The following SARDH variants were observed in gnomAD, a reference collection of about 807,000 sequenced individuals.
The protein encoded by SARDH is sarcosine dehydrogenase, mitochondrial.
In SARDH, 95 loss-of-function variants were observed where a neutral mutation model predicts 109.1. The observed-to-expected ratio is 0.87, with a 90% CI of 0.74 to 1.03. The LOEUF is 1.03. Among genes scored for constraint, SARDH ranks in the 50% least tolerant of loss-of-function variants. The pLI is 0.00. For missense variants in SARDH, 1,267 were observed against 1,287.8 expected (o/e 0.98, Z 0.25); for synonymous variants, 572 against 534.8 (o/e 1.07, Z -0.96).
intron 6 of SARDH, among the ~76,000 whole-genome samples, chr9:133,726,311 T>C (rs908600051): frequency 6.7e-6 from 1 of 149,184 alleles, no homozygotes; most frequent in Non-Finnish European, 1.5e-5. Context: ...AAGGCTGCAG[T>C]GAGCTATGAT....
rs368425650 is a variant in SARDH, at chr9:133,685,310, C to T, written c.2070-24G>A. On this transcript the variant is annotated intron_variant, in intron 16 of 20. Coordinates refer to ENST00000439388, the MANE Select transcript of SARDH (RefSeq NM_001134707.2). ...GGCTGCAGGCAAGAGCAAAGTCGCT[C>T]AGTCAGCAAGTGCTCACGGGTGGGG... is the stretch of plus-strand genomic sequence containing the variant. 4 of 1,607,156 alleles carry T rather than the reference C, an allele frequency of 2.5e-6. No homozygotes were observed. The African/African-American group carries it at 4.0e-5, about 16-fold the overall frequency.
rs766491921 is a variant in SARDH, at chr9:133,731,410, A to T, written c.585T>A (p.Asn195Lys). 6.2e-7 allele frequency: 1 copy of T among 1,614,134 alleles called. No individual in the cohort carries two copies. The change falls in exon 4 of 21, where the codon AAT (asparagine) becomes AAA (lysine). Residue 195 changes from asparagine to lysine, a missense_variant. Asn to Lys is a moderately conservative substitution (Grantham distance 94, BLOSUM62 0). Transcript: ENST00000439388. Reference protein sequence around the residue: ...AETKTLYPLMNVDDLYGTLYV... With the variant: ...AETKTLYPLMKVDDLYGTLYV... ...ACAGGGTCCCGTAGAGGTCGTCCAC[A>T]TTCATCAGCGGGTACAGAGTCTTGG... is the stretch of plus-strand genomic sequence containing the variant.
At position 133,694,251 on chromosome 9, in the gene SARDH, C is replaced by T. The variant is rs558647788; in HGVS notation, c.1921+7G>A. 2.4e-5 allele frequency: 37 copies of T among 1,541,522 alleles called. No individual in the cohort carries two copies. The African/African-American group carries it at 4.8e-4, about 20-fold the overall frequency. On this transcript the variant is annotated splice_region_variant and intron_variant, in intron 15 of 20. Coordinates refer to ENST00000439388, the MANE Select transcript of SARDH (RefSeq NM_001134707.2). The stretch of plus-strand genomic sequence containing the variant: ...CACAGCGCCGTGTGCACAGAGGCAT[C>T]CCATACCTTCAAAGGCGGGGGCCAG...
intron 17 of SARDH, among the ~76,000 whole-genome samples, chr9:133,680,053 G>C (rs1356914083): frequency 6.6e-6 from 1 of 152,232 alleles, no homozygotes; most frequent in Non-Finnish European, 1.5e-5. Flanking sequence ...CACGTTGAGG[G>C]ATATGTCATC....
chr9:133,684,982 C>T (rs1326568367), intron 17 of SARDH, among the ~76,000 whole-genome samples: 6 of 152,190 alleles, frequency 3.9e-5, no homozygotes, highest in Non-Finnish European at 5.9e-5. Context: ...GGATGGAAGA[C>T]GCTGTGACTT....
chr9:133,681,887 T>C (rs778815770), intron 17 of SARDH, among the ~76,000 whole-genome samples: 2 of 152,132 alleles, frequency 1.3e-5, no homozygotes, highest in Non-Finnish European at 2.9e-5. Flanking sequence ...TTGACGCTCA[T>C]GTCCCACCTC....
At chr9:133,684,742 G>A (rs1219015858) in intron 17 of SARDH, among the ~76,000 whole-genome samples, 1 of 152,188 alleles carries the variant, frequency 6.6e-6, no homozygotes, top group Non-Finnish European at 1.5e-5. Context: ...CACCCCAGCA[G>A]CCCCTCCTCC....
chr9:133,714,558 G>A (rs1225815525), intron 8 of SARDH, among the ~76,000 whole-genome samples: 1 of 152,174 alleles, frequency 6.6e-6, no homozygotes, highest in Non-Finnish European at 1.5e-5. Flanking sequence ...GCAGGCGGAT[G>A]TCTGGAGCCC....
rs552148848 is a variant in SARDH, at chr9:133,734,229, G to A, written c.-30-26C>T. 3 of 1,428,730 alleles carry A rather than the reference G, an allele frequency of 2.1e-6. No homozygotes were observed. In the African/African-American group the frequency reaches 4.3e-5, roughly 20 times the overall value. 88.5% of individuals were successfully genotyped at this position (1,428,730 alleles called of 1,614,324 possible). ...CTGGGGAGAGAATCAGAGCTGGGTG[G>A]GGTGCAGAGGGGACACGCTGGGGGC... On this transcript the variant is annotated intron_variant, in intron 1 of 20. Transcript: ENST00000439388.
chr9:133,708,208 G>T, intron 11 of SARDH, 79 bp downstream of exon 11: 1 of 1,503,350 alleles, frequency 6.7e-7, no homozygotes. Flanking sequence ...GGTACACCTT[G>T]CATTTCTGTC....
At chr9:133,736,147 C>T (rs534164796) in intron 1 of SARDH, among the ~76,000 whole-genome samples, 5 of 152,280 alleles carry the variant, frequency 3.3e-5, no homozygotes, top group Admixed American at 3.3e-4. Flanking sequence ...TGCCTAGTAA[C>T]CTCTTCCTCT....
intron 16 of SARDH, among the ~76,000 whole-genome samples, chr9:133,687,592 A>C (rs1210673079): frequency 1.3e-5 from 2 of 151,980 alleles, no homozygotes; most frequent in Non-Finnish European, 2.9e-5. Flanking sequence ...CTACCAGCAC[A>C]GGGGGCTATT....
chr9:133,670,837 AC>A, intron 18 of SARDH, 85 bp from the exon 19 acceptor site: 1 of 1,414,980 alleles, frequency 7.1e-7, no homozygotes, highest in Admixed American at 3.0e-5. Context: ...GCCTAAACCC[AC>A]CCCCTCCAGC....
chr9:133,671,666 T>TC lies in SARDH; in HGVS notation c.2194dup (p.Glu732GlyfsTer43). ...TGGAATGTGCAGCTCCCAGCCCAGCTCCCCCACAAAGGACAGCCGCATGGC... is the reference window on the plus strand; with the variant it reads ...TGGAATGTGCAGCTCCCAGCCCAGCTCCCCCCACAAAGGACAGCCGCATGGC... On this transcript the variant is annotated frameshift_variant, in exon 18 of 21. Transcript: ENST00000439388. LOFTEE classifies it high-confidence loss of function. The TC allele has an allele frequency of 9.4e-6, 15 of 1,589,254 alleles. No homozygotes were observed. The highest frequency in any genetic ancestry group is 1.2e-5 in the Non-Finnish European group (14 of 1,168,228).
chr9:133,713,735 T>G (rs1309994491), intron 8 of SARDH, among the ~76,000 whole-genome samples: 1 of 152,202 alleles, frequency 6.6e-6, no homozygotes, highest in African/African-American at 2.4e-5. Flanking sequence ...GTGGCCACAG[T>G]CCTGGATTCA....
chr9:133,699,686 C>T (rs997588408), intron 13 of SARDH, among the ~76,000 whole-genome samples: 8 of 152,104 alleles, frequency 5.3e-5, no homozygotes, highest in African/African-American at 1.9e-4. Context: ...CATTTCACAA[C>T]CACCAGGATG....
chr9:133,730,052 T>C lies in SARDH; in HGVS notation c.814+12A>G, dbSNP rs143562139. The stretch of plus-strand genomic sequence containing the variant: ...ATGGCCACACAGGAGTCAGGAGAAA[T>C]GCCACTCGCACCTGCACAGTTGACC... On this transcript the variant is annotated intron_variant, in intron 5 of 20. Coordinates refer to ENST00000439388, the MANE Select transcript of SARDH (RefSeq NM_001134707.2). 1.9e-3 allele frequency: 2,995 copies of C among 1,613,930 alleles called. 48 individuals carry two copies. In the African/African-American group the frequency reaches 0.032, roughly 17 times the overall value.
At chr9:133,734,396 C>CTCATTCATTCACTCATTCAT (rs1832803333) in intron 1 of SARDH, among the ~76,000 whole-genome samples, 193 bp from the exon 2 acceptor site, 1 of 128,722 alleles carries the variant, frequency 7.8e-6, no homozygotes, top group African/African-American at 3.1e-5. Context: ...CATTCATTCA[C>CTCATTCATTCACTCATTCAT]TCATTCATTC....
intron 13 of SARDH, among the ~76,000 whole-genome samples, chr9:133,700,450 A>G (rs1248314892): frequency 1.3e-5 from 2 of 152,258 alleles, no homozygotes; most frequent in Admixed American, 1.3e-4. Context: ...GCTGATCACA[A>G]AAGCACACAT....
Sources: gnomAD v4.1 joint callset for allele counts (sites outside exome capture counted in the v4.1 genomes callset) on GRCh38, gnomAD v4.1.1 for gene constraint, MANE v1.5 for transcripts, NCBI Gene and HGNC (gene_info 2026-07-23, HGNC 2026-07-21) for gene names.